The following NALF1 variants were observed in gnomAD, a reference collection of about 807,000 sequenced individuals.
The protein encoded by NALF1 is family with sequence similarity 155 member A.
NALF1 carries 3 observed loss-of-function variants against 48.4 expected under a neutral mutation model. The ratio of observed to expected loss-of-function variants is 0.06; its 90% confidence interval spans 0.03 to 0.16. The LOEUF is 0.16. Among genes scored for constraint, NALF1 ranks in the 10% least tolerant of loss-of-function variants. The probability of loss-of-function intolerance (pLI) is 1.00; values close to 1 mark genes in which losing one functional copy is unlikely to be tolerated. For synonymous variants in NALF1, 262 were observed against 245.7 expected (o/e 1.07, Z -0.62); for missense variants, 526 against 571.5 (o/e 0.92, Z 0.81).
chr13:107,847,049 A>C (rs1254649907), intron 1 of NALF1, among the ~76,000 whole-genome samples: 1 of 152,310 alleles, frequency 6.6e-6, no homozygotes, highest in South Asian at 2.1e-4. Context: ...AAATTAAAAA[A>C]AATTAAAGGC....
chr13:107,833,647 G>A (rs574126503), intron 1 of NALF1, among the ~76,000 whole-genome samples: 5 of 152,156 alleles, frequency 3.3e-5, no homozygotes, highest in African/African-American at 7.2e-5. Flanking sequence ...CTTGACATAC[G>A]AAAGCAATGG....
intron 1 of NALF1, among the ~76,000 whole-genome samples, chr13:107,670,937 C>T (rs984676520): frequency 2.0e-5 from 3 of 152,074 alleles, no homozygotes; most frequent in Non-Finnish European, 2.9e-5. Context: ...TCCATCCTTT[C>T]GAGTTCTCTT....
At chr13:107,638,498 T>C (rs1403000930) in intron 1 of NALF1, among the ~76,000 whole-genome samples, 1 of 152,020 alleles carries the variant, frequency 6.6e-6, no homozygotes, top group Non-Finnish European at 1.5e-5. Flanking sequence ...AGGCAGAGGA[T>C]GTCCCTGCTT....
chr13:107,578,889 A>G (rs1878224825), intron 1 of NALF1, among the ~76,000 whole-genome samples: 1 of 152,146 alleles, frequency 6.6e-6, no homozygotes, highest in South Asian at 2.1e-4. Context: ...TAGAGCCCCA[A>G]GCCAAAGATT....
At chr13:107,490,646 T>C (rs1885400955) in intron 1 of NALF1, among the ~76,000 whole-genome samples, 1 of 151,954 alleles carries the variant, frequency 6.6e-6, no homozygotes, top group Non-Finnish European at 1.5e-5. Context: ...AAATAATCTG[T>C]ACAACAAACT....
chr13:107,865,388 A>G (rs924944668), intron 1 of NALF1, among the ~76,000 whole-genome samples: 3 of 152,142 alleles, frequency 2.0e-5, no homozygotes, highest in African/African-American at 7.2e-5. Flanking sequence ...GATGTAACAG[A>G]GTTTGAGCCA....
intron 1 of NALF1, among the ~76,000 whole-genome samples, chr13:107,676,422 A>G (rs994682997): frequency 6.6e-6 from 1 of 152,134 alleles, no homozygotes; most frequent in Non-Finnish European, 1.5e-5. Context: ...TAGGCATAGG[A>G]CATAGTATAA....
At chr13:107,518,089 C>T (rs9514698) in intron 1 of NALF1, among the ~76,000 whole-genome samples, 97,779 of 152,042 alleles carry the variant, frequency 0.64, 33,758 homozygotes, top group Middle Eastern at 0.78. Flanking sequence ...ACTCGATGCA[C>T]TGAAATAAGT....
chr13:107,203,151 T>C (rs113276397), intron 2 of NALF1, among the ~76,000 whole-genome samples: 229 of 152,316 alleles, frequency 1.5e-3, no homozygotes, highest in African/African-American at 5.3e-3. Flanking sequence ...GATAGGTAAA[T>C]ACTCTCATTG....
intron 1 of NALF1, among the ~76,000 whole-genome samples, chr13:107,822,705 C>T (rs1312688841): frequency 6.6e-6 from 1 of 152,138 alleles, no homozygotes; most frequent in African/African-American, 2.4e-5. Flanking sequence ...TATTCTAGCA[C>T]TAACGTGATT....
At chr13:107,486,015 T>A (rs1403451459) in intron 1 of NALF1, among the ~76,000 whole-genome samples, 1 of 152,232 alleles carries the variant, frequency 6.6e-6, no homozygotes, top group Non-Finnish European at 1.5e-5. Context: ...AAAAGTCATA[T>A]TTTTCCATAC....
chr13:107,693,091 T>C (rs1340756129), intron 1 of NALF1, among the ~76,000 whole-genome samples: 1 of 152,228 alleles, frequency 6.6e-6, no homozygotes, highest in Non-Finnish European at 1.5e-5. Context: ...TCCACAATGG[T>C]TGAACTAGTT....
Position 107,866,210 on chromosome 13 carries a change from G to C in NALF1, c.387C>G (p.Pro129=), listed in dbSNP as rs986979283. 1.3e-6 allele frequency: 2 copies of C among 1,599,002 alleles called. No individual in the cohort carries two copies. Among genetic ancestry groups the C allele is most frequent in the African/African-American group, 1.3e-5 (1 of 74,856 alleles). ...AHRLLSASSS[P]TLPPSPGDGG... is the part of the protein sequence containing the mutation. ...CGTCTCCCGGGGAGGGGGGCAGGGT[G>C]GGGGACGAGGAGGCGGAGAGGAGTC... is the stretch of plus-strand genomic sequence containing the variant. Residue 129 remains proline (P), a synonymous_variant, in exon 1 of 3, where the codon CCC becomes CCG. Transcript: ENST00000375915. This position sits in a 1 kb window ranked among gnomAD's most constrained non-coding sequence, Gnocchi z 4.4.
At chr13:107,753,714 GA>G (rs1350844211) in intron 1 of NALF1, among the ~76,000 whole-genome samples, 1 of 152,060 alleles carries the variant, frequency 6.6e-6, no homozygotes, top group African/African-American at 2.4e-5. Context: ...TGAGGACATT[GA>G]AAGTAAACTT....
intron 1 of NALF1, among the ~76,000 whole-genome samples, chr13:107,513,107 T>G (rs1232964398): frequency 6.6e-6 from 1 of 152,224 alleles, no homozygotes; most frequent in Non-Finnish European, 1.5e-5. Context: ...CATCCTAGTG[T>G]GAAGGACTGC....
At chr13:107,484,217 C>T (rs58030663) in intron 1 of NALF1, among the ~76,000 whole-genome samples, 3,141 of 152,098 alleles carry the variant, frequency 0.021, 105 homozygotes, top group African/African-American at 0.071. Flanking sequence ...CAATATATTG[C>T]AGTAATTCTA....
chr13:107,503,753 T>TGTGTGTGTGTGTGTG (rs1329568918), intron 1 of NALF1, among the ~76,000 whole-genome samples: 22 of 70,906 alleles, frequency 3.1e-4, no homozygotes, highest in South Asian at 5.0e-4. Context: ...GTGTGTGTGT[T>TGTGTGTGTGTGTGTG]TGTGTGTGTG....
At chr13:107,505,374 G>A (rs753753575) in intron 1 of NALF1, among the ~76,000 whole-genome samples, 1 of 152,182 alleles carries the variant, frequency 6.6e-6, no homozygotes, top group South Asian at 2.1e-4. Flanking sequence ...AGCTGTCAGA[G>A]GGTTTGAATC....
chr13:107,793,617 T>G (rs1243891085), intron 1 of NALF1, among the ~76,000 whole-genome samples: 1 of 152,206 alleles, frequency 6.6e-6, no homozygotes, highest in Admixed American at 6.5e-5. Context: ...TGTCAAAATT[T>G]TAATATTAAT....
Sources: gnomAD v4.1 joint callset for allele counts (sites outside exome capture counted in the v4.1 genomes callset) on GRCh38, gnomAD v4.1.1 for gene constraint, Gnocchi (gnomAD v3.1) non-coding constraint, MANE v1.5 for transcripts, NCBI Gene and HGNC (gene_info 2026-07-23, HGNC 2026-07-21) for gene names.